MAGI2: variants seen among roughly 807,000 people sequenced by gnomAD.
MAGI2 encodes membrane-associated guanylate kinase, WW and PDZ domain-containing protein 2.
A neutral mutation model predicts 133.3 loss-of-function variants in MAGI2; 35 were observed. That is an observed-to-expected ratio of 0.26 (90% confidence interval 0.20 to 0.35). The LOEUF (loss-of-function observed/expected upper bound fraction) is 0.35, where lower values mean the gene tolerates loss of function less well. MAGI2 is among the 10% of genes least tolerant of loss of function. MAGI2 has a pLI of 1.00. For synonymous variants in MAGI2, 729 were observed against 710.6 expected (o/e 1.03, Z -0.41); for missense variants, 1,636 against 1,863.4 (o/e 0.88, Z 2.25).
At chr7:78,209,115 G>A (rs1219007550) in intron 10 of MAGI2, among the ~76,000 whole-genome samples, 3 of 111,972 alleles carry the variant, frequency 2.7e-5, no homozygotes, top group East Asian at 2.9e-4. Context: ...CCAGCTACTT[G>A]GGAGGCTGAG....
At chr7:79,107,367 C>T (rs1818531307) in intron 1 of MAGI2, among the ~76,000 whole-genome samples, 1 of 152,308 alleles carries the variant, frequency 6.6e-6, no homozygotes, top group South Asian at 2.1e-4. Flanking sequence ...CCTATAGACA[C>T]ATGGAAGTGA....
intron 18 of MAGI2, among the ~76,000 whole-genome samples, chr7:78,129,663 G>A (rs574037695): frequency 2.0e-5 from 3 of 152,154 alleles, no homozygotes; most frequent in Admixed American, 6.5e-5. Flanking sequence ...AATCACTTCC[G>A]GCCAGATGCC....
rs556136992 is a variant in MAGI2 at position 78,941,249 on chromosome 7, C to A, written c.418+65841G>T. ...GTTCATCTATTGTGTCAAAGCACTG[C>A]CTAAAACTTTCTGTTGGCTCCTTCT... On this transcript the variant is annotated intron_variant, in intron 2 of 21. Transcript: ENST00000354212. Among the ~76,000 whole-genome samples, 492 of 152,292 alleles carry A rather than the reference C, an allele frequency of 3.2e-3. 1 individual carries two copies. Among genetic ancestry groups the A allele is most frequent in the African/African-American group, 0.011 (468 of 41,560 alleles).
At chr7:79,056,857 C>G (rs1200746517) in intron 1 of MAGI2, among the ~76,000 whole-genome samples, 6 of 152,186 alleles carry the variant, frequency 3.9e-5, no homozygotes, top group African/African-American at 1.4e-4. Flanking sequence ...TCCCCTAGGA[C>G]TATATTTAGT....
intron 1 of MAGI2, among the ~76,000 whole-genome samples, chr7:79,154,406 T>C (rs181854919): frequency 1.3e-5 from 2 of 152,188 alleles, no homozygotes; most frequent in East Asian, 3.9e-4. Flanking sequence ...TTACATTTGA[T>C]CTTGTTTTGA....
chr7:78,119,494 G>C (rs900041403), intron 20 of MAGI2, among the ~76,000 whole-genome samples: 1 of 149,392 alleles, frequency 6.7e-6, no homozygotes, highest in Admixed American at 6.8e-5. Flanking sequence ...CTGGGAGGCG[G>C]AGGTTGCAGT....
intron 2 of MAGI2, among the ~76,000 whole-genome samples, chr7:79,002,918 T>G (rs1281031542): frequency 6.6e-6 from 1 of 151,128 alleles, no homozygotes; most frequent in Non-Finnish European, 1.5e-5. Context: ...TTGTTTTTTT[T>G]TTTTTTAGAA....
chr7:78,513,993 CAGG>C (rs760675897), intron 4 of MAGI2, among the ~76,000 whole-genome samples: 27 of 142,526 alleles, frequency 1.9e-4, no homozygotes, highest in Non-Finnish European at 3.9e-4. Flanking sequence ...GAGGGTGAGG[CAGG>C]AGAATTGCTT....
chr7:78,209,785 G>A (rs1035102947), intron 10 of MAGI2, among the ~76,000 whole-genome samples: 3 of 152,166 alleles, frequency 2.0e-5, no homozygotes, highest in African/African-American at 7.2e-5. Flanking sequence ...TGTTACAGTT[G>A]AGACGAAACG....
chr7:78,330,741 C>T (rs1789101711), intron 9 of MAGI2, among the ~76,000 whole-genome samples: 1 of 150,920 alleles, frequency 6.6e-6, no homozygotes, highest in Admixed American at 6.6e-5. Context: ...TCAAGTCAGA[C>T]ACAGGTTTTG....
chr7:78,092,572 A>G (rs1031981955), intron 20 of MAGI2, among the ~76,000 whole-genome samples: 1 of 152,218 alleles, frequency 6.6e-6, no homozygotes, highest in African/African-American at 2.4e-5. Flanking sequence ...ATGAGGAGAT[A>G]ATATTCCTTA....
At position 79,166,436 on chromosome 7, in the gene MAGI2, G is replaced by A. The variant is rs112298098; in HGVS notation, c.302-159230C>T. ...GGTGAATGTGGAGGAAGATCCCAAC[G>A]CCTCAAATGAGATAGAAACCTTCTC... On this transcript the variant is annotated intron_variant, in intron 1 of 21. Coordinates refer to ENST00000354212, the MANE Select transcript of MAGI2 (RefSeq NM_012301.4). Among the ~76,000 whole-genome samples the A allele has an allele frequency of 6.0e-3, 908 of 152,160 alleles. 16 individuals carry two copies. Among genetic ancestry groups the A allele is most frequent in the African/African-American group, 0.021 (866 of 41,562 alleles).
chr7:79,157,941 AGTGTGTGTGTGT>A (rs60535225), intron 1 of MAGI2, among the ~76,000 whole-genome samples: 5 of 134,968 alleles, frequency 3.7e-5, no homozygotes, highest in East Asian at 2.3e-4. Context: ...TCTTTGTGTG[AGTGTGTGTGTGT>A]GTGTGTGTGT....
At chr7:79,107,119 G>T (rs1818512557) in intron 1 of MAGI2, among the ~76,000 whole-genome samples, 1 of 152,166 alleles carries the variant, frequency 6.6e-6, no homozygotes, top group Non-Finnish European at 1.5e-5. Flanking sequence ...AAAATAAAGA[G>T]ATTAGCCTCA....
intron 11 of MAGI2, among the ~76,000 whole-genome samples, chr7:78,198,714 A>T (rs1207663646): frequency 1.3e-5 from 2 of 152,152 alleles, no homozygotes; most frequent in African/African-American, 4.8e-5. Flanking sequence ...ATTATGAATG[A>T]GGCAGGCCCC....
chr7:79,311,519 G>A (rs1484243851), intron 1 of MAGI2, among the ~76,000 whole-genome samples: 10 of 151,864 alleles, frequency 6.6e-5, no homozygotes, highest in Non-Finnish European at 1.2e-4. Context: ...GCATTCCTCC[G>A]TAGGCTTCTT....
intron 1 of MAGI2, among the ~76,000 whole-genome samples, chr7:79,336,480 A>G (rs776847002): frequency 6.6e-6 from 1 of 152,182 alleles, no homozygotes; most frequent in Non-Finnish European, 1.5e-5. Context: ...ATATGAAAAT[A>G]AAAACAAATT....
At chr7:79,358,366 G>T (rs932041479) in intron 1 of MAGI2, among the ~76,000 whole-genome samples, 6 of 152,054 alleles carry the variant, frequency 3.9e-5, no homozygotes, top group Non-Finnish European at 7.4e-5. Context: ...AATTTCAGAT[G>T]CTTTCTCCAA....
intron 1 of MAGI2, among the ~76,000 whole-genome samples, chr7:79,288,145 A>G (rs1010034067): frequency 6.6e-6 from 1 of 152,154 alleles, no homozygotes; most frequent in Non-Finnish European, 1.5e-5. Flanking sequence ...GAGCACAGAC[A>G]TTAGAGCCAG....
Sources: gnomAD v4.1 joint callset for allele counts (sites outside exome capture counted in the v4.1 genomes callset) on GRCh38, gnomAD v4.1.1 for gene constraint, MANE v1.5 for transcripts, NCBI Gene and HGNC (gene_info 2026-07-23, HGNC 2026-07-21) for gene names.